Variants in RCC1L observed in about 807,000 individuals in gnomAD.
RCC1L encodes the protein RCC1-like G exchanging factor-like protein.
RCC1L carries 46 observed loss-of-function variants against 58.6 expected under a neutral mutation model. That is an observed-to-expected ratio of 0.79 (90% CI 0.62 to 1.00). RCC1L has a LOEUF of 1.00. RCC1L is among the 50% of genes least tolerant of loss of function. The pLI, the probability that RCC1L is intolerant of heterozygous loss-of-function variation, is 0.00. For synonymous variants in RCC1L, 281 were observed against 262.9 expected (o/e 1.07, Z -0.67); for missense variants, 636 against 623.6 (o/e 1.02, Z -0.21).
chr7:75,063,243 A>G, intron 5 of RCC1L, 49 bp downstream of exon 5: 4 of 1,612,062 alleles, frequency 2.5e-6, no homozygotes, highest in Non-Finnish European at 3.4e-6. Context: ...TCAACTTTTC[A>G]AAAGCACCCC....
intron 10 of RCC1L, chr7:75,028,188 GCT>G: frequency 9.9e-7 from 1 of 1,013,134 alleles, no homozygotes; most frequent in South Asian, 1.7e-5. Flanking sequence ...CATGATCTCA[GCT>G]CACTGCAGCA....
At chr7:75,066,838 T>G in intron 2 of RCC1L, 46 bp from the exon 3 acceptor site, 1 of 1,575,384 alleles carries the variant, frequency 6.3e-7, no homozygotes, top group South Asian at 1.2e-5. Flanking sequence ...TTTCTACCAC[T>G]GGAAATCATA....
downstream of RCC1L, among the ~76,000 whole-genome samples, chr7:75,038,816 C>G (rs1223797903): frequency 6.6e-6 from 1 of 152,180 alleles, no homozygotes; most frequent in Non-Finnish European, 1.5e-5. Context: ...AGGCAGCTCA[C>G]TGAGCCTTGT....
intron 10 of RCC1L, among the ~76,000 whole-genome samples, chr7:75,047,429 G>C (rs1443266612): frequency 6.6e-6 from 1 of 152,084 alleles, no homozygotes; most frequent in African/African-American, 2.4e-5. Context: ...ACTGCACCTG[G>C]GTCATTTGTT....
At chr7:75,046,595 G>A (rs912327897) in intron 10 of RCC1L, among the ~76,000 whole-genome samples, 3 of 152,146 alleles carry the variant, frequency 2.0e-5, no homozygotes, top group Non-Finnish European at 4.4e-5. Flanking sequence ...AATCTCACAC[G>A]GTCTCTGAAC....
intron 10 of RCC1L, among the ~76,000 whole-genome samples, chr7:75,046,298 G>C (rs1805718558): frequency 6.6e-6 from 1 of 152,254 alleles, no homozygotes; most frequent in Non-Finnish European, 1.5e-5. Flanking sequence ...GGCCGGAGAA[G>C]AAAACAGGCT....
intron 10 of RCC1L, among the ~76,000 whole-genome samples, chr7:75,034,476 A>AC (rs1328393293): frequency 6.6e-6 from 1 of 152,232 alleles, no homozygotes; most frequent in Non-Finnish European, 1.5e-5. Context: ...AGATCGCGCC[A>AC]CTGCACTCCA....
chr7:75,032,842 C>T (rs1380268908), intron 10 of RCC1L, among the ~76,000 whole-genome samples: 18 of 151,846 alleles, frequency 1.2e-4, no homozygotes, highest in Admixed American at 6.6e-4. Context: ...GAGGTGGAGG[C>T]GGGAGGATTA....
chr7:75,063,146 G>A (rs1199248430), intron 5 of RCC1L, 146 bp downstream of exon 5: 7 of 899,330 alleles, frequency 7.8e-6, no homozygotes, highest in Non-Finnish European at 1.3e-5. Flanking sequence ...ATAAATCCTG[G>A]CCTATAGTAA....
chr7:75,035,195 TA>T (rs1805410430), intron 10 of RCC1L, among the ~76,000 whole-genome samples: 1 of 152,172 alleles, frequency 6.6e-6, no homozygotes, highest in African/African-American at 2.4e-5. Context: ...CACACCCAGC[TA>T]ATTTTTATAT....
In RCC1L at chr7:75,052,718, G is replaced by A. The variant is rs1805950842; in HGVS notation, c.1310C>T (p.Pro437Leu). 2 of 1,611,346 alleles carry A rather than the reference G, an allele frequency of 1.2e-6. No individual in the cohort carries two copies. Among genetic ancestry groups the A allele is most frequent in the Non-Finnish European group, 1.7e-6 (2 of 1,179,092 alleles). The change falls in exon 10 of 11, where the codon CCA (proline) becomes CTA (leucine). Residue 437 changes from proline (P) to leucine (L), a missense_variant. By Grantham distance (98) the Pro-to-Leu change is moderately conservative. Transcript: ENST00000610322. ...GIGRLEDQYF[P>L]WRVTMPGEPV... The stretch of plus-strand genomic sequence containing the variant: ...CTCCCCGGCCAGCCTTACCCTCCAT[G>A]GGAAATACTGGTCCTCCAGGCGACC...
chr7:75,072,161 C>CATATACATAT (rs1455614533), intron 1 of RCC1L, among the ~76,000 whole-genome samples: 20 of 46,364 alleles, frequency 4.3e-4, no homozygotes, highest in South Asian at 8.9e-4. Flanking sequence ...TATACATATA[C>CATATACATAT]ATATATATAT....
At chr7:75,038,529 C>CATTTT (rs1491524999), downstream of RCC1L, among the ~76,000 whole-genome samples, 1 of 139,050 alleles carries the variant, frequency 7.2e-6, no homozygotes. Flanking sequence ...CGCTTCCCGC[C>CATTTT]TTTTTTTTTT....
At chr7:75,070,134 G>A (rs1554445803) in intron 2 of RCC1L, among the ~76,000 whole-genome samples, 1 of 152,192 alleles carries the variant, frequency 6.6e-6, no homozygotes, top group Non-Finnish European at 1.5e-5. Context: ...GCAAATGCCA[G>A]GTGCTTGCCT....
At chr7:75,062,666 T>C (rs997288926) in intron 5 of RCC1L, among the ~76,000 whole-genome samples, 6 of 152,194 alleles carry the variant, frequency 3.9e-5, no homozygotes, top group Non-Finnish European at 7.3e-5. Context: ...TCAATGCACA[T>C]ATGCATGAAT....
Position 75,063,320 on chromosome 7 carries a change from A to G in RCC1L, c.674T>C (p.Met225Thr). ...GACCACCTGGCCATCGAAGTCCTGC[A>G]TCCTGTGGACTCTGTGACTTTCACT... Reference protein sequence around the residue: ...IYSESHRVHRMQDFDGQVVQV... With the variant: ...IYSESHRVHRTQDFDGQVVQV... Residue 225 changes from methionine to threonine, a missense_variant, in exon 5 of 11, where the codon ATG becomes ACG. Met to Thr is a moderately conservative substitution (Grantham distance 81). Coordinates refer to ENST00000610322, the MANE Select transcript of RCC1L (RefSeq NM_030798.5). 2 of 1,613,864 alleles carry G rather than the reference A, an allele frequency of 1.2e-6. No individual in the cohort carries two copies. The highest frequency in any genetic ancestry group is 1.7e-6 in the Non-Finnish European group (2 of 1,179,838).
At chr7:75,063,823 T>C (rs2132003127) in intron 4 of RCC1L, among the ~76,000 whole-genome samples, 1 of 151,836 alleles carries the variant, frequency 6.6e-6, no homozygotes, top group Non-Finnish European at 1.5e-5. Context: ...GGGAGGCTGA[T>C]ACATGAGAAT....
At chr7:75,040,420 A>G (rs1298904589), downstream of RCC1L, among the ~76,000 whole-genome samples, 96 of 152,208 alleles carry the variant, frequency 6.3e-4, no homozygotes, top group South Asian at 5.0e-3. Context: ...AGATCATGCC[A>G]CTGCACTCCA....
intron 10 of RCC1L, among the ~76,000 whole-genome samples, chr7:75,048,535 G>A (rs1453828430): frequency 3.9e-5 from 6 of 152,266 alleles, no homozygotes; most frequent in African/African-American, 1.2e-4. Context: ...TGTGGAGGGA[G>A]AAACCCCACC....
Sources: gnomAD v4.1 joint callset for allele counts (sites outside exome capture counted in the v4.1 genomes callset) on GRCh38, gnomAD v4.1.1 for gene constraint, MANE v1.5 for transcripts, NCBI Gene and HGNC (gene_info 2026-07-23, HGNC 2026-07-21) for gene names.